PTF1A: variants seen among roughly 807,000 people sequenced by gnomAD.
The protein encoded by PTF1A is pancreas transcription factor 1 subunit alpha.
A neutral mutation model predicts 22.6 loss-of-function variants in PTF1A; 18 were observed. That is an observed-to-expected ratio of 0.80 (90% CI 0.55 to 1.18). The LOEUF (loss-of-function observed/expected upper bound fraction) is 1.18, where lower values mean the gene tolerates loss of function less well. Among genes scored for constraint, PTF1A ranks in the 50% most tolerant of loss-of-function variants. The pLI is 0.00. For synonymous variants in PTF1A, 259 were observed against 227.9 expected, an observed-to-expected ratio of 1.14 and a Z score of -1.23; for missense variants, 477 against 473.0, an observed-to-expected ratio of 1.01 and a Z score of -0.08.
rs556026337 is a variant in PTF1A at position 23,192,408 on chromosome 10, C to T, written c.-123C>T. ...CAGGGAGGCCCGGGGGCGGGCAGCCCGGCGGCCGCCTAGCTGCCCCCAGCC... is the reference window on the plus strand; with the variant it reads ...CAGGGAGGCCCGGGGGCGGGCAGCCTGGCGGCCGCCTAGCTGCCCCCAGCC... On this transcript the variant is annotated 5_prime_UTR_variant, in exon 1 of 2. Transcript: ENST00000376504. 3 of 1,388,314 alleles carry T rather than the reference C, an allele frequency of 2.2e-6. No homozygotes were observed. Among genetic ancestry groups the T allele is most frequent in the African/African-American group, 1.5e-5 (1 of 66,272 alleles). The allele number at this position is 1,388,314 out of a possible 1,614,324, so 86.0% of individuals were successfully genotyped here.
chr10:23,193,115 C>A lies in PTF1A; in HGVS notation c.585C>A (p.Tyr195Ter). 1.4e-6 allele frequency: 2 copies of A among 1,446,272 alleles called. No individual in the cohort carries two copies. The highest frequency in any genetic ancestry group is 2.2e-5 in the Admixed American group (1 of 45,352). 89.6% of individuals were successfully genotyped at this position (1,446,272 alleles called of 1,614,324 possible). A position where few individuals can be genotyped will look rare whatever the true frequency, so the allele number is the denominator to read the frequency against. Residue 195 changes from tyrosine (Y) to a stop codon, truncating the protein, a stop_gained, in exon 1 of 2, where the codon TAC becomes TAA. Transcript: ENST00000376504. LOFTEE classifies it high-confidence loss of function. ...GLRSHIPTLPYEKRLSKVDTL... is the reference protein window; with the variant it reads ...GLRSHIPTLP ...GCTCGCACATCCCCACGCTGCCCTA[C>A]GAGAAGCGCCTCTCCAAGGTGGACA...
chr10:23,193,699 T>C lies in PTF1A; in HGVS notation c.785-5T>C. On this transcript the variant is annotated splice_polypyrimidine_tract_variant and splice_region_variant and intron_variant, in intron 1 of 1. Coordinates refer to ENST00000376504, the MANE Select transcript of PTF1A (RefSeq NM_178161.3). ...ACAGTCTGTTTTCTCTTCTCACCTG[T>C]CCAGGGTCCCCCTCCCCCAGCGACC... 1 of 1,579,048 alleles carries C rather than the reference T, an allele frequency of 6.3e-7. No homozygotes were observed. Among genetic ancestry groups the C allele is most frequent in the Non-Finnish European group, 8.7e-7 (1 of 1,148,800 alleles).
In PTF1A at chr10:23,194,186, T is replaced by C; in HGVS notation, c.*280T>C. 2.7e-6 allele frequency: 1 copy of C among 365,606 alleles called. No homozygotes were observed. 22.6% of individuals were successfully genotyped at this position (365,606 alleles called of 1,614,324 possible). On this transcript the variant is annotated 3_prime_UTR_variant, in exon 2 of 2. Transcript: ENST00000376504. ...AACTCTGGCCAGAAAACGTCCTGCTTATTTATTGCCAGATATGGTTTATTT... is the reference window on the plus strand; with the variant it reads ...AACTCTGGCCAGAAAACGTCCTGCTCATTTATTGCCAGATATGGTTTATTT...
chr10:23,193,956 A>G lies in PTF1A; in HGVS notation c.*50A>G, dbSNP rs557636410. 2.2e-6 allele frequency: 3 copies of G among 1,336,104 alleles called. No individual in the cohort carries two copies. The South Asian group carries it at 3.5e-5, about 16-fold the overall frequency. 82.8% of individuals were successfully genotyped at this position (1,336,104 alleles called of 1,614,324 possible). A position where few individuals can be genotyped will look rare whatever the true frequency, so the allele number is the denominator to read the frequency against. On this transcript the variant is annotated 3_prime_UTR_variant, in exon 2 of 2. Coordinates refer to ENST00000376504, the MANE Select transcript of PTF1A (RefSeq NM_178161.3). ...CTGATTATGTCTCTGTGCATATTGT[A>G]CATGTAAATATCTATAATGTAAATG...
Position 23,194,019 on chromosome 10 carries a change from GTTTA to G in PTF1A, c.*116_*119del. ...CAAATTTTTCGAATGGCAATCAACT[GTTTA>G]TTATTTATCTATTTATTATCCTGTT... is the stretch of plus-strand genomic sequence containing the variant. On this transcript the variant is annotated 3_prime_UTR_variant, in exon 2 of 2. Transcript: ENST00000376504. 1 of 808,316 alleles carries G rather than the reference GTTTA, an allele frequency of 1.2e-6. No homozygotes were observed. Among genetic ancestry groups the G allele is most frequent in the Non-Finnish European group, 2.1e-6 (1 of 467,030 alleles). 50.1% of individuals were successfully genotyped at this position (808,316 alleles called of 1,614,324 possible). A position where few individuals can be genotyped will look rare whatever the true frequency, so the allele number is the denominator to read the frequency against.
Position 23,192,394 on chromosome 10 carries a change from G to T in PTF1A, c.-137G>T. On this transcript the variant is annotated 5_prime_UTR_variant, in exon 1 of 2. Transcript: ENST00000376504. ...GGCCGCGGGCACTCCAGGGAGGCCCGGGGGCGGGCAGCCCGGCGGCCGCCT... is the reference window on the plus strand; with the variant it reads ...GGCCGCGGGCACTCCAGGGAGGCCCTGGGGCGGGCAGCCCGGCGGCCGCCT... The T allele has an allele frequency of 8.1e-7, 1 of 1,238,538 alleles. No individual in the cohort carries two copies. Among genetic ancestry groups the T allele is most frequent in the Non-Finnish European group, 1.1e-6 (1 of 920,758 alleles). The allele number at this position is 1,238,538 out of a possible 1,614,324, so 76.7% of individuals were successfully genotyped here.
At position 23,192,959 on chromosome 10, in the gene PTF1A, A is replaced by G. The variant is rs1789841221; in HGVS notation, c.429A>G (p.Gly143=). 1.7e-6 allele frequency: 2 copies of G among 1,153,572 alleles called. No individual in the cohort carries two copies. Among genetic ancestry groups the G allele is most frequent in the South Asian group, 4.2e-5 (1 of 23,756 alleles). 71.5% of individuals were successfully genotyped at this position (1,153,572 alleles called of 1,614,324 possible). The part of the protein sequence containing the change: ...SPGARLRGLS[G]AAAAAARRRR... ...GGGCGCGGCTGCGCGGCCTGAGCGGAGCGGCGGCTGCGGCGGCGCGGCGCC... is the reference window on the plus strand; with the variant it reads ...GGGCGCGGCTGCGCGGCCTGAGCGGGGCGGCGGCTGCGGCGGCGCGGCGCC... The change falls in exon 1 of 2, where the codon GGA becomes GGG. Residue 143 remains glycine, a synonymous_variant. Coordinates refer to ENST00000376504, the MANE Select transcript of PTF1A (RefSeq NM_178161.3).
In PTF1A at chr10:23,192,956, C is replaced by A; in HGVS notation, c.426C>A (p.Ser142Arg). The part of the protein sequence containing the change: ...LSPGARLRGL[S>R]GAAAAAARRR... ...CCGGGGCGCGGCTGCGCGGCCTGAG[C>A]GGAGCGGCGGCTGCGGCGGCGCGGC... is the stretch of plus-strand genomic sequence containing the variant. The change falls in exon 1 of 2, where the codon AGC becomes AGA. Residue 142 changes from serine to arginine, a missense_variant. Transcript: ENST00000376504. The A allele has an allele frequency of 8.6e-7, 1 of 1,156,416 alleles. No individual in the cohort carries two copies. Among genetic ancestry groups the A allele is most frequent in the Non-Finnish European group, 1.1e-6 (1 of 942,090 alleles). The allele number at this position is 1,156,416 out of a possible 1,614,324, so 71.6% of individuals were successfully genotyped here.
In PTF1A at chr10:23,194,189, T is replaced by C. The variant is rs957501007; in HGVS notation, c.*283T>C. 1.3e-4 allele frequency: 48 copies of C among 359,984 alleles called. 1 individual carries two copies. The highest frequency in any genetic ancestry group is 6.4e-4 in the Admixed American group (15 of 23,480). 22.3% of individuals were successfully genotyped at this position (359,984 alleles called of 1,614,324 possible). On this transcript the variant is annotated 3_prime_UTR_variant, in exon 2 of 2. Coordinates refer to ENST00000376504, the MANE Select transcript of PTF1A (RefSeq NM_178161.3). Reference sequence around the variant, plus strand: ...TCTGGCCAGAAAACGTCCTGCTTATTTATTGCCAGATATGGTTTATTTCTA... The same window carrying C: ...TCTGGCCAGAAAACGTCCTGCTTATCTATTGCCAGATATGGTTTATTTCTA...
chr10:23,192,971 G>C lies in PTF1A; in HGVS notation c.441G>C (p.Ala147=). The C allele has an allele frequency of 1.8e-6, 2 of 1,135,166 alleles. No individual in the cohort carries two copies. Among genetic ancestry groups the C allele is most frequent in the Non-Finnish European group, 2.2e-6 (2 of 928,840 alleles). The allele number at this position is 1,135,166 out of a possible 1,614,324, so 70.3% of individuals were successfully genotyped here. A position where few individuals can be genotyped will look rare whatever the true frequency, so the allele number is the denominator to read the frequency against. ...RLRGLSGAAA[A]AARRRRRVRS... Reference sequence around the variant, plus strand: ...GCGGCCTGAGCGGAGCGGCGGCTGCGGCGGCGCGGCGCCGGCGGCGGGTGC... The same window carrying C: ...GCGGCCTGAGCGGAGCGGCGGCTGCCGCGGCGCGGCGCCGGCGGCGGGTGC... Residue 147 remains alanine (A), a synonymous_variant, in exon 1 of 2, where the codon GCG becomes GCC. Coordinates refer to ENST00000376504, the MANE Select transcript of PTF1A (RefSeq NM_178161.3).
rs368083211 is a variant in PTF1A, at chr10:23,193,797, A to C, written c.878A>C (p.Asn293Thr). 3.1e-6 allele frequency: 5 copies of C among 1,613,808 alleles called. No individual in the cohort carries two copies. The East Asian group carries it at 8.9e-5, about 29-fold the overall frequency. ...WTDEKQLKEQ[N>T]IIRTAKVWTP... ...GATGAAAAACAACTCAAGGAACAAA[A>C]TATTATCCGAACAGCCAAAGTCTGG... Residue 293 changes from asparagine to threonine, a missense_variant, in exon 2 of 2, where the codon AAT (asparagine) becomes ACT (threonine). Asn to Thr is a moderately conservative substitution (Grantham distance 65). Coordinates refer to ENST00000376504, the MANE Select transcript of PTF1A (RefSeq NM_178161.3).
intron 1 of PTF1A, 108 bp downstream of exon 1, chr10:23,193,422 C>T: frequency 9.4e-7 from 1 of 1,061,978 alleles, no homozygotes; most frequent in Non-Finnish European, 1.3e-6. Flanking sequence ...GACGGATTGT[C>T]GGTGGGCACG....
rs1564448158 is a variant in PTF1A at position 23,192,655 on chromosome 10, T to C, written c.125T>C (p.Leu42Pro). The change falls in exon 1 of 2, where the codon CTG becomes CCG. Residue 42 changes from leucine to proline, a missense_variant. Coordinates refer to ENST00000376504, the MANE Select transcript of PTF1A (RefSeq NM_178161.3). ...GACCCCCTGGAGGACGGCGATGAGC[T>C]GCTGGCGGACGAGCAGGCCGAGGTG... ...SRDPLEDGDELLADEQAEVEF... is the reference protein window; with the variant it reads ...SRDPLEDGDEPLADEQAEVEF... The C allele has an allele frequency of 1.2e-6, 2 of 1,600,958 alleles. No homozygotes were observed. The highest frequency in any genetic ancestry group is 1.7e-6 in the Non-Finnish European group (2 of 1,174,442).
chr10:23,193,589 A>T, intron 1 of PTF1A, 115 bp from the exon 2 acceptor site: 1 of 880,738 alleles, frequency 1.1e-6, no homozygotes, highest in Non-Finnish European at 1.9e-6. Context: ...GTGGAGGAAG[A>T]GGGTGGTTCT....
chr10:23,194,204 G>A lies in PTF1A; in HGVS notation c.*298G>A. Reference sequence around the variant, plus strand: ...TCCTGCTTATTTATTGCCAGATATGGTTTATTTCTAAGCGTTGTCAATAAA... The same window carrying A: ...TCCTGCTTATTTATTGCCAGATATGATTTATTTCTAAGCGTTGTCAATAAA... On this transcript the variant is annotated 3_prime_UTR_variant, in exon 2 of 2. Coordinates refer to ENST00000376504, the MANE Select transcript of PTF1A (RefSeq NM_178161.3). 1 of 318,748 alleles carries A rather than the reference G, an allele frequency of 3.1e-6. No individual in the cohort carries two copies. The highest frequency in any genetic ancestry group is 4.5e-5 in the Admixed American group (1 of 22,042). The allele number at this position is 318,748 out of a possible 1,614,324, so 19.7% of individuals were successfully genotyped here.
chr10:23,192,866 C>A lies in PTF1A; in HGVS notation c.336C>A (p.Pro112=). Residue 112 remains proline (P), a synonymous_variant, in exon 1 of 2, where the codon CCC becomes CCA. Transcript: ENST00000376504. ...CETGAPPGGF[P]YSPGSPPSCL... ...CGGGGGCGCCCCCAGGCGGCTTCCCCTACTCGCCCGGCTCGCCGCCCTCGT... is the reference window on the plus strand; with the variant it reads ...CGGGGGCGCCCCCAGGCGGCTTCCCATACTCGCCCGGCTCGCCGCCCTCGT... 1 of 1,320,760 alleles carries A rather than the reference C, an allele frequency of 7.6e-7. No homozygotes were observed. 81.8% of individuals were successfully genotyped at this position (1,320,760 alleles called of 1,614,324 possible). A position where few individuals can be genotyped will look rare whatever the true frequency, so the allele number is the denominator to read the frequency against.
chr10:23,192,501 G>A lies in PTF1A; in HGVS notation c.-30G>A. 2 of 1,593,808 alleles carry A rather than the reference G, an allele frequency of 1.3e-6. No homozygotes were observed. Among genetic ancestry groups the A allele is most frequent in the Non-Finnish European group, 1.7e-6 (2 of 1,173,698 alleles). ...ACCAAGAACTAACACGCGCAGCCCG[G>A]CAGTCCCGCTGCCCACTGCGGCGGC... On this transcript the variant is annotated 5_prime_UTR_variant, in exon 1 of 2. Coordinates refer to ENST00000376504, the MANE Select transcript of PTF1A (RefSeq NM_178161.3).
chr10:23,193,762 C>G lies in PTF1A; in HGVS notation c.843C>G (p.Leu281=), dbSNP rs760272788. 1 of 1,613,878 alleles carries G rather than the reference C, an allele frequency of 6.2e-7. No homozygotes were observed. The highest frequency in any genetic ancestry group is 1.7e-5 in the Admixed American group (1 of 60,006). Residue 281 remains leucine, a synonymous_variant, in exon 2 of 2, where the codon CTC becomes CTG. Coordinates refer to ENST00000376504, the MANE Select transcript of PTF1A (RefSeq NM_178161.3). The part of the protein sequence containing the change: ...YGLPPLAGHS[L]SWTDEKQLKE... ...TCCCTCCCCTAGCAGGACACTCTCT[C>G]TCATGGACTGATGAAAAACAACTCA...
chr10:23,194,041 A>G lies in PTF1A; in HGVS notation c.*135A>G, dbSNP rs1355062270. On this transcript the variant is annotated 3_prime_UTR_variant, in exon 2 of 2. Coordinates refer to ENST00000376504, the MANE Select transcript of PTF1A (RefSeq NM_178161.3). ...ACTGTTTATTATTTATCTATTTATT[A>G]TCCTGTTGAGTTGATGAAATAGATG... The G allele has an allele frequency of 1.4e-6, 1 of 705,324 alleles. No individual in the cohort carries two copies. Among genetic ancestry groups the G allele is most frequent in the African/African-American group, 1.8e-5 (1 of 55,504 alleles). 43.7% of individuals were successfully genotyped at this position (705,324 alleles called of 1,614,324 possible). A position where few individuals can be genotyped will look rare whatever the true frequency, so the allele number is the denominator to read the frequency against.
Sources: gnomAD v4.1 joint callset for allele counts on GRCh38, gnomAD v4.1.1 for gene constraint, MANE v1.5 for transcripts, NCBI Gene and HGNC (gene_info 2026-07-23, HGNC 2026-07-21) for gene names.